TNRC6C: variants seen among roughly 807,000 people sequenced by gnomAD.
The protein encoded by TNRC6C is trinucleotide repeat containing adaptor 6C, also known as trinucleotide repeat-containing gene 6C protein.
Under a neutral mutation model 153.7 loss-of-function variants are expected in TNRC6C, and 20 were observed. The observed-to-expected ratio is 0.13, with a 90% confidence interval of 0.09 to 0.19. The LOEUF is 0.19. Among genes scored for constraint, TNRC6C ranks in the 10% least tolerant of loss-of-function variants. The pLI is 1.00. For synonymous variants in TNRC6C, 811 were observed against 841.4 expected, an observed-to-expected ratio of 0.96 and a Z score of 0.63; for missense variants, 1,987 against 2,172.0, an observed-to-expected ratio of 0.91 and a Z score of 1.69.
At chr17:78,106,453 G>A (rs2073696143) in exon 20 of TNRC6C, 1 of 149,924 alleles carries the variant, frequency 6.7e-6, no homozygotes, top group Non-Finnish European at 1.5e-5. Context: ...GAAAGCCAGG[G>A]CTCCCGAGGG....
chr17:77,972,570 G>T, intron 1 of TNRC6C, among the ~76,000 whole-genome samples: 1 of 151,552 alleles, frequency 6.6e-6, no homozygotes, highest in East Asian at 1.9e-4. Flanking sequence ...AGCGATTGAG[G>T]TAGGTACCAT....
chr17:77,996,674 T>C (rs2071333311), intron 1 of TNRC6C, among the ~76,000 whole-genome samples: 1 of 152,214 alleles, frequency 6.6e-6, no homozygotes, highest in Admixed American at 6.5e-5. Flanking sequence ...TTCCCTTCTT[T>C]GGTGTTGGCT....
chr17:77,975,426 AG>A (rs1172533334), intron 1 of TNRC6C, among the ~76,000 whole-genome samples: 1 of 152,252 alleles, frequency 6.6e-6, no homozygotes, highest in Non-Finnish European at 1.5e-5. Context: ...AGTGTGCTGG[AG>A]GGAGAAAGAA....
At chr17:78,026,121 A>G (rs1338649070) in intron 1 of TNRC6C, among the ~76,000 whole-genome samples, 2 of 152,148 alleles carry the variant, frequency 1.3e-5, no homozygotes, top group Non-Finnish European at 2.9e-5. Context: ...ATTTTTTTAC[A>G]TGATGTTGCT....
chr17:78,051,709 C>T (rs1245628641), intron 3 of TNRC6C, among the ~76,000 whole-genome samples: 1 of 151,940 alleles, frequency 6.6e-6, no homozygotes, highest in African/African-American at 2.4e-5. Context: ...TTGGTGGTGG[C>T]GGTGGTGGCC....
intron 2 of TNRC6C, among the ~76,000 whole-genome samples, chr17:78,041,842 A>C (rs1598724162): frequency 6.6e-6 from 1 of 152,232 alleles, no homozygotes; most frequent in Admixed American, 6.5e-5. Context: ...TTTATAATAC[A>C]TATTATTTCA....
At chr17:77,981,144 T>A (rs2071071809) in intron 1 of TNRC6C, among the ~76,000 whole-genome samples, 1 of 152,144 alleles carries the variant, frequency 6.6e-6, no homozygotes, top group Non-Finnish European at 1.5e-5. Context: ...CTAGGCTAAT[T>A]TTTTAAAAAA....
chr17:77,972,239 G>A (rs955909576), intron 1 of TNRC6C, among the ~76,000 whole-genome samples: 3 of 152,170 alleles, frequency 2.0e-5, no homozygotes, highest in Non-Finnish European at 4.4e-5. Context: ...AGGGCCAGGC[G>A]CGGTGGCACA....
intron 1 of TNRC6C, among the ~76,000 whole-genome samples, chr17:78,026,174 CA>C (rs1215987802): frequency 6.6e-6 from 1 of 152,170 alleles, no homozygotes; most frequent in African/African-American, 2.4e-5. Flanking sequence ...GAAAAACAAT[CA>C]CTCCTTCAAC....
At chr17:77,996,295 G>C (rs2071327518) in intron 1 of TNRC6C, among the ~76,000 whole-genome samples, 1 of 152,098 alleles carries the variant, frequency 6.6e-6, no homozygotes, top group Non-Finnish European at 1.5e-5. Flanking sequence ...CAGACAGTGG[G>C]AAGCAACTGT....
At chr17:77,961,444 C>G (rs994813945) in intron 1 of TNRC6C, among the ~76,000 whole-genome samples, 1 of 152,182 alleles carries the variant, frequency 6.6e-6, no homozygotes, top group Non-Finnish European at 1.5e-5. Flanking sequence ...GCGTGAGCCA[C>G]CACGCTCGGC....
At chr17:77,987,520 C>CT (rs2071186513) in intron 1 of TNRC6C, among the ~76,000 whole-genome samples, 1 of 152,156 alleles carries the variant, frequency 6.6e-6, no homozygotes, top group Admixed American at 6.5e-5. Flanking sequence ...CTGGAATAAT[C>CT]ACCAATACAG....
chr17:78,073,628 C>T (rs1206184111), intron 7 of TNRC6C, among the ~76,000 whole-genome samples: 1 of 152,076 alleles, frequency 6.6e-6, no homozygotes, highest in Non-Finnish European at 1.5e-5. Context: ...ATAAAGTCAC[C>T]ACAAACACTG....
chr17:78,078,279 G>C (rs1258226240), intron 9 of TNRC6C, among the ~76,000 whole-genome samples: 1 of 152,140 alleles, frequency 6.6e-6, no homozygotes, highest in Non-Finnish European at 1.5e-5. Flanking sequence ...TTGCAGAAGG[G>C]GTTCTCTCCC....
At chr17:78,005,747 T>C (rs2071485339) in intron 1 of TNRC6C, among the ~76,000 whole-genome samples, 2 of 152,196 alleles carry the variant, frequency 1.3e-5, no homozygotes, top group Non-Finnish European at 2.9e-5. Flanking sequence ...TTGGGACAAG[T>C]TACTTCACTT....
chr17:77,969,065 T>G (rs80115876), intron 1 of TNRC6C, among the ~76,000 whole-genome samples: 3 of 152,188 alleles, frequency 2.0e-5, no homozygotes, highest in Non-Finnish European at 4.4e-5. Context: ...TGGCAGTTTA[T>G]TGAGTGCCTA....
intron 1 of TNRC6C, among the ~76,000 whole-genome samples, chr17:78,011,497 A>C (rs2071630202): frequency 6.6e-6 from 1 of 152,224 alleles, no homozygotes; most frequent in South Asian, 2.1e-4. Flanking sequence ...TCCATGCTGT[A>C]GTGTGTATCA....
At chr17:78,051,376 A>G in exon 3 of TNRC6C, 3 of 1,550,772 alleles carry the variant, frequency 1.9e-6, no homozygotes, top group Non-Finnish European at 2.6e-6. Flanking sequence ...GAGCAACACC[A>G]CACACAGGGT....
intron 1 of TNRC6C, among the ~76,000 whole-genome samples, chr17:77,994,249 C>T (rs1170885841): frequency 6.6e-6 from 1 of 152,178 alleles, no homozygotes. Context: ...GCTTATTACT[C>T]CAGTGTAAAC....
Sources: gnomAD v4.1 joint callset for allele counts (sites outside exome capture counted in the v4.1 genomes callset) on GRCh38, gnomAD v4.1.1 for gene constraint, MANE v1.5 for transcripts, NCBI Gene and HGNC (gene_info 2026-07-23, HGNC 2026-07-21) for gene names.